The following WWOX variants were observed in gnomAD, a reference collection of about 807,000 sequenced individuals.
WWOX encodes the protein WW domain containing oxidoreductase.
In WWOX, 69 loss-of-function variants were observed where a neutral mutation model predicts 46.2. The ratio of observed to expected loss-of-function variants is 1.49; its 90% confidence interval spans 1.23 to 1.82. The LOEUF is 1.82. WWOX is among the 40% of genes most tolerant of loss of function. The probability of loss-of-function intolerance (pLI) is 0.00; values close to 1 mark genes in which losing one functional copy is unlikely to be tolerated. For synonymous variants in WWOX, 359 were observed against 202.6 expected (o/e 1.77, Z -6.56); for missense variants, 919 against 542.6 (o/e 1.69, Z -6.89).
intron 6 of WWOX, among the ~76,000 whole-genome samples, chr16:78,407,843 G>A (rs1251645929): frequency 6.6e-6 from 1 of 152,180 alleles, no homozygotes; most frequent in South Asian, 2.1e-4. Flanking sequence ...TTGAGTCTGG[G>A]CAAACACGCA....
chr16:79,095,305 A>C (rs146448313), intron 8 of WWOX, among the ~76,000 whole-genome samples: 122 of 152,350 alleles, frequency 8.0e-4, no homozygotes, highest in African/African-American at 2.9e-3. Flanking sequence ...CTGTTCCTTC[A>C]AGGAGCTCAA....
At chr16:78,274,553 G>A (rs935572215) in intron 5 of WWOX, among the ~76,000 whole-genome samples, 13 of 152,168 alleles carry the variant, frequency 8.5e-5, no homozygotes, top group African/African-American at 2.4e-4. Flanking sequence ...TCATGATTTC[G>A]GCAGGAGTGT....
intron 8 of WWOX, among the ~76,000 whole-genome samples, chr16:78,595,715 G>A (rs2045473359): frequency 6.6e-6 from 1 of 152,152 alleles, no homozygotes; most frequent in Non-Finnish European, 1.5e-5. Context: ...CCTGCACTCA[G>A]TACATCTATA....
At chr16:78,634,705 T>TTA (rs2046521970) in intron 8 of WWOX, among the ~76,000 whole-genome samples, 3 of 133,422 alleles carry the variant, frequency 2.2e-5, no homozygotes, top group Admixed American at 1.5e-4. Context: ...GACTCTGTGT[T>TTA]AAAAAAAAAA....
At chr16:79,027,276 T>C (rs1208501435) in intron 8 of WWOX, among the ~76,000 whole-genome samples, 1 of 65,286 alleles carries the variant, frequency 1.5e-5, no homozygotes, top group African/African-American at 6.0e-5. Context: ...AAAGACTCCA[T>C]CTCAAAAAAA....
intron 5 of WWOX, among the ~76,000 whole-genome samples, chr16:78,351,323 A>G (rs61485839): frequency 0.08 from 12,221 of 152,240 alleles, 532 homozygotes; most frequent in Middle Eastern, 0.12. Flanking sequence ...AGAGTTTCAG[A>G]ATAATAATTC....
chr16:78,990,836 G>T (rs908665175), intron 8 of WWOX, among the ~76,000 whole-genome samples: 1 of 152,156 alleles, frequency 6.6e-6, no homozygotes, highest in Non-Finnish European at 1.5e-5. Context: ...GACTGAATTT[G>T]TCTCTGTGTT....
At chr16:78,181,049 T>G (rs2035517722) in intron 5 of WWOX, among the ~76,000 whole-genome samples, 1 of 152,190 alleles carries the variant, frequency 6.6e-6, no homozygotes, top group Non-Finnish European at 1.5e-5. Context: ...TCTTCCTTTT[T>G]GTTTCATAAG....
intron 8 of WWOX, among the ~76,000 whole-genome samples, chr16:78,648,970 C>G (rs2046905989): frequency 6.6e-6 from 1 of 151,752 alleles, no homozygotes; most frequent in African/African-American, 2.4e-5. Context: ...AATTAGTTTG[C>G]TTATTTATTT....
At chr16:78,430,452 C>T (rs112166923) in intron 7 of WWOX, among the ~76,000 whole-genome samples, 5,910 of 152,184 alleles carry the variant, frequency 0.039, 257 homozygotes, top group African/African-American at 0.11. Context: ...TGTTTCTAGG[C>T]TCAGATAATT....
At chr16:78,846,883 G>C (rs537171187) in intron 8 of WWOX, among the ~76,000 whole-genome samples, 2 of 152,210 alleles carry the variant, frequency 1.3e-5, no homozygotes, top group East Asian at 3.9e-4. Flanking sequence ...TACATGGAAG[G>C]CTGTTTCTTC....
At chr16:78,348,560 C>G (rs1253970473) in intron 5 of WWOX, among the ~76,000 whole-genome samples, 1 of 120,740 alleles carries the variant, frequency 8.3e-6, no homozygotes, top group East Asian at 1.9e-4. Context: ...TGAGCTCAGG[C>G]AATCCTCCTG....
chr16:78,376,737 C>T (rs4888798), intron 5 of WWOX, among the ~76,000 whole-genome samples: 71,829 of 151,968 alleles, frequency 0.47, 18,925 homozygotes, highest in Non-Finnish European at 0.61. Context: ...TGTCTGTAGA[C>T]ATTAGCAGAT....
intron 8 of WWOX, among the ~76,000 whole-genome samples, chr16:78,909,853 G>C (rs1242508812): frequency 1.3e-5 from 2 of 152,172 alleles, no homozygotes; most frequent in Non-Finnish European, 2.9e-5. Context: ...AATACTGCTT[G>C]GCAAATGGCA....
At chr16:78,795,628 C>G (rs1432913776) in intron 8 of WWOX, among the ~76,000 whole-genome samples, 1 of 152,206 alleles carries the variant, frequency 6.6e-6, no homozygotes, top group African/African-American at 2.4e-5. Flanking sequence ...ATGGAACACT[C>G]ATGTATAATT....
chr16:78,826,525 C>T (rs2051662136), intron 8 of WWOX, among the ~76,000 whole-genome samples: 1 of 152,228 alleles, frequency 6.6e-6, no homozygotes, highest in Non-Finnish European at 1.5e-5. Flanking sequence ...CCTGCCTCTG[C>T]AGCCACATGG....
intron 8 of WWOX, among the ~76,000 whole-genome samples, chr16:79,007,614 G>C (rs1428477905): frequency 2.0e-5 from 3 of 152,162 alleles, no homozygotes; most frequent in Non-Finnish European, 2.9e-5. Flanking sequence ...CAGAAGCTAA[G>C]CACTTTAAAA....
chr16:78,943,814 T>G (rs768091278), intron 8 of WWOX, among the ~76,000 whole-genome samples: 4 of 152,156 alleles, frequency 2.6e-5, no homozygotes, highest in Non-Finnish European at 5.9e-5. Flanking sequence ...ACATCACTGT[T>G]TGGTGGACTA....
intron 8 of WWOX, among the ~76,000 whole-genome samples, chr16:78,547,556 C>A (rs1420078103): frequency 1.3e-5 from 2 of 152,276 alleles, no homozygotes; most frequent in African/African-American, 2.4e-5. Flanking sequence ...TTTAGTCTGT[C>A]CTGGCTACTA....
Sources: allele counts gnomAD v4.1 joint callset (sites outside exome capture counted in the v4.1 genomes callset), GRCh38; gene constraint gnomAD v4.1.1; transcripts MANE v1.5; gene names NCBI Gene and HGNC (gene_info 2026-07-23, HGNC 2026-07-21).